Variants in PRUNE2 observed in about 807,000 individuals in gnomAD.
PRUNE2 encodes the protein prune homolog 2 with BCH domain.
Under a neutral mutation model 252.0 loss-of-function variants are expected in PRUNE2, and 164 were observed. The ratio of observed to expected loss-of-function variants is 0.65; its 90% CI spans 0.57 to 0.74. The LOEUF (loss-of-function observed/expected upper bound fraction) is 0.74. Among genes scored for constraint, PRUNE2 ranks in the 30% least tolerant of loss-of-function variants. The pLI is 0.00. For missense variants in PRUNE2, 3,495 were observed against 3,711.0 expected (o/e 0.94, Z 1.51); for synonymous variants, 1,292 against 1,350.2 (o/e 0.96, Z 0.94).
chr9:76,857,432 G>A (rs2060319415), intron 1 of PRUNE2, among the ~76,000 whole-genome samples: 1 of 152,076 alleles, frequency 6.6e-6, no homozygotes, highest in Non-Finnish European at 1.5e-5. Context: ...AGCTTAGAAT[G>A]GTGGACCAGA....
At chr9:76,653,276 CTTGATATCCATAAGGGA>C (rs1343057870) in intron 10 of PRUNE2, among the ~76,000 whole-genome samples, 4 of 152,106 alleles carry the variant, frequency 2.6e-5, no homozygotes, top group Non-Finnish European at 5.9e-5. Flanking sequence ...ACAGTTGTCC[CTTGATATCCATAAGGGA>C]TTGATTCCAG....
chr9:76,648,631 G>T (rs925640940), intron 11 of PRUNE2, among the ~76,000 whole-genome samples: 1 of 152,204 alleles, frequency 6.6e-6, no homozygotes, highest in Non-Finnish European at 1.5e-5. Flanking sequence ...GACAGTAAAA[G>T]CATCAGTGAT....
At chr9:76,824,541 T>C (rs773812494) in intron 5 of PRUNE2, among the ~76,000 whole-genome samples, 2 of 152,218 alleles carry the variant, frequency 1.3e-5, no homozygotes, top group Non-Finnish European at 2.9e-5. Context: ...CCAGAATGGC[T>C]AAATTATCCA....
At chr9:76,761,960 A>G (rs1417042517) in intron 6 of PRUNE2, among the ~76,000 whole-genome samples, 1 of 152,212 alleles carries the variant, frequency 6.6e-6, no homozygotes, top group Non-Finnish European at 1.5e-5. Context: ...TGTATCATGT[A>G]TGGTCAAACA....
At chr9:76,615,281 T>C (rs780599221) in intron 18 of PRUNE2, 67 of 972,450 alleles carry the variant, frequency 6.9e-5, no homozygotes, top group East Asian at 2.3e-4. Context: ...AGCCAGTAAA[T>C]AGAGGAAGAA....
intron 6 of PRUNE2, among the ~76,000 whole-genome samples, chr9:76,817,048 A>T (rs1010300374): frequency 2.0e-5 from 3 of 152,176 alleles, no homozygotes; most frequent in African/African-American, 7.2e-5. Context: ...AATTAAAATG[A>T]TTTTTTCAGG....
At chr9:76,742,322 A>T (rs547904395) in intron 6 of PRUNE2, among the ~76,000 whole-genome samples, 1 of 152,356 alleles carries the variant, frequency 6.6e-6, no homozygotes, top group East Asian at 1.9e-4. Flanking sequence ...AATCAATTAG[A>T]AGAAAGTGAG....
chr9:76,829,767 T>A (rs540926784), intron 4 of PRUNE2, among the ~76,000 whole-genome samples: 2 of 151,906 alleles, frequency 1.3e-5, no homozygotes, highest in East Asian at 3.9e-4. Flanking sequence ...TTTTTTTTAA[T>A]CTGCCACTCT....
chr9:76,884,147 C>A (rs962997514), intron 1 of PRUNE2, among the ~76,000 whole-genome samples: 2 of 152,144 alleles, frequency 1.3e-5, no homozygotes, highest in Admixed American at 6.5e-5. Context: ...GTTTATCCTG[C>A]TGAAAGGCTT....
At chr9:76,900,593 T>C (rs1458226565) in intron 1 of PRUNE2, among the ~76,000 whole-genome samples, 2 of 152,220 alleles carry the variant, frequency 1.3e-5, no homozygotes, top group Non-Finnish European at 2.9e-5. Context: ...ATAGGAATGC[T>C]GCCTCCTGAA....
chr9:76,788,957 A>G (rs899399519), intron 6 of PRUNE2, among the ~76,000 whole-genome samples: 1 of 152,186 alleles, frequency 6.6e-6, no homozygotes, highest in African/African-American at 2.4e-5. Flanking sequence ...AAGAGCAAGT[A>G]TCATACAAAC....
chr9:76,853,259 G>C (rs577466822), intron 2 of PRUNE2, among the ~76,000 whole-genome samples: 10 of 152,180 alleles, frequency 6.6e-5, no homozygotes, highest in Admixed American at 1.3e-4. Context: ...TAGCATTCGT[G>C]TGAATTTAAA....
chr9:76,872,471 G>A (rs2061263076), intron 1 of PRUNE2, among the ~76,000 whole-genome samples: 1 of 152,084 alleles, frequency 6.6e-6, no homozygotes, highest in Non-Finnish European at 1.5e-5. Context: ...CACAGAGGAG[G>A]TGACTTTTGC....
At chr9:76,714,649 A>G (rs75033891) in intron 6 of PRUNE2, among the ~76,000 whole-genome samples, 2,762 of 152,138 alleles carry the variant, frequency 0.018, 45 homozygotes, top group East Asian at 0.085. Flanking sequence ...CACCCACTTC[A>G]TCCTTGCAAA....
At chr9:76,803,882 T>G (rs2056743566) in intron 6 of PRUNE2, among the ~76,000 whole-genome samples, 1 of 152,218 alleles carries the variant, frequency 6.6e-6, no homozygotes, top group African/African-American at 2.4e-5. Flanking sequence ...ATGGGTCACC[T>G]GTGGATCTGT....
chr9:76,746,961 T>G (rs549847039), intron 6 of PRUNE2, among the ~76,000 whole-genome samples: 1 of 152,280 alleles, frequency 6.6e-6, no homozygotes, highest in African/African-American at 2.4e-5. Context: ...TGTAGCAAAT[T>G]AATTGAACCC....
chr9:76,671,928 G>A (rs1416812755), intron 9 of PRUNE2, among the ~76,000 whole-genome samples: 1 of 152,156 alleles, frequency 6.6e-6, no homozygotes, highest in African/African-American at 2.4e-5. Context: ...GGAACAACCA[G>A]TAGCAGCCAC....
intron 1 of PRUNE2, among the ~76,000 whole-genome samples, chr9:76,902,180 G>C (rs898798530): frequency 5.3e-5 from 8 of 152,118 alleles, no homozygotes; most frequent in African/African-American, 1.9e-4. Flanking sequence ...AAACTTCATG[G>C]GAACATGGAC....
intron 9 of PRUNE2, chr9:76,692,168 T>TA: frequency 1.4e-6 from 1 of 717,342 alleles, no homozygotes. Flanking sequence ...TAACTGGAAA[T>TA]ACAGATTCGC....
Sources: allele counts gnomAD v4.1 joint callset (sites outside exome capture counted in the v4.1 genomes callset), GRCh38; gene constraint gnomAD v4.1.1; transcripts MANE v1.5; gene names NCBI Gene and HGNC (gene_info 2026-07-23, HGNC 2026-07-21).